Variants in ACIN1 observed in about 807,000 individuals in gnomAD.
The protein encoded by ACIN1 is apoptotic chromatin condensation inducer in the nucleus.
ACIN1 carries 16 observed loss-of-function variants against 146.6 expected under a neutral mutation model. The observed-to-expected ratio is 0.11, with a 90% confidence interval of 0.07 to 0.17. The LOEUF (loss-of-function observed/expected upper bound fraction) is 0.17, where lower values mean the gene tolerates loss of function less well. ACIN1 is among the 10% of genes least tolerant of loss of function. The pLI, the probability that ACIN1 is intolerant of heterozygous loss-of-function variation, is 1.00. For missense variants in ACIN1, 1,357 were observed against 1,609.3 expected (o/e 0.84, Z 2.68); for synonymous variants, 569 against 582.7 (o/e 0.98, Z 0.34).
chr14:23,058,816 A>G lies in ACIN1; in HGVS notation c.*332T>C, dbSNP rs1054177522. ...TCCCAAGAGAAGGCTGTAAGTACCC[A>G]GGGAGGTGGTAAGCAGGATGGAGGA... On this transcript the variant is annotated 3_prime_UTR_variant, in exon 19 of 19. Transcript: ENST00000605057. 1.1e-5 allele frequency: 4 copies of G among 354,608 alleles called. No individual in the cohort carries two copies. In the South Asian group the frequency reaches 1.3e-4, roughly 12 times the overall value. The allele number at this position is 354,608 out of a possible 1,614,324, so 22.0% of individuals were successfully genotyped here.
chr14:23,083,196 T>C (rs1407792956), intron 4 of ACIN1, among the ~76,000 whole-genome samples: 2 of 151,884 alleles, frequency 1.3e-5, no homozygotes, highest in Non-Finnish European at 2.9e-5. Flanking sequence ...ATCACTTAAG[T>C]AATTTGGGTC....
At chr14:23,086,397 T>C (rs2048091855) in intron 4 of ACIN1, among the ~76,000 whole-genome samples, 1 of 152,214 alleles carries the variant, frequency 6.6e-6, no homozygotes, top group Non-Finnish European at 1.5e-5. Context: ...GTACACACAG[T>C]CATGATATAG....
intron 14 of ACIN1, 179 bp from the exon 15 acceptor site, chr14:23,062,702 AC>A: frequency 2.7e-6 from 2 of 744,806 alleles, no homozygotes; most frequent in Non-Finnish European, 4.3e-6. Flanking sequence ...ACTAATTGAG[AC>A]GTTGTATGTG....
At chr14:23,088,965 C>T (rs1021424516) in intron 4 of ACIN1, among the ~76,000 whole-genome samples, 1 of 152,088 alleles carries the variant, frequency 6.6e-6, no homozygotes. Context: ...CTGACTTAGA[C>T]AGGTAGTTCC....
intron 7 of ACIN1, 27 bp from the exon 8 acceptor site, chr14:23,078,293 G>C: frequency 6.2e-7 from 1 of 1,601,956 alleles, no homozygotes; most frequent in East Asian, 2.2e-5. Context: ...AAAACGAACA[G>C]AGCAAAACAT....
At position 23,067,134 on chromosome 14, in the gene ACIN1, CAAAACAAAAA is replaced by C. The variant is rs2047484357; in HGVS notation, c.2266-1136_2266-1127del. ...TCGATGGGTAAGTTAGTGAGAAAAA[CAAAACAAAAA>C]AAAAGGTCTTAATTAAAACAGGAAA... On this transcript the variant is annotated intron_variant, in intron 9 of 18. Coordinates refer to ENST00000605057, the MANE Select transcript of ACIN1 (RefSeq NM_001386863.1). The surrounding 1 kb of genome is among the most constrained non-coding windows in gnomAD (Gnocchi z 4.6). Among the ~76,000 whole-genome samples, 1 of 131,584 alleles carries C rather than the reference CAAAACAAAAA, an allele frequency of 7.6e-6. No homozygotes were observed. Among genetic ancestry groups the C allele is most frequent in the African/African-American group, 2.9e-5 (1 of 34,836 alleles). The allele number at this position is 131,584 out of a possible 152,430, so 86.3% of individuals were successfully genotyped here.
chr14:23,061,068 G>C lies in ACIN1; in HGVS notation c.3525+16C>G. ...TCAGTGCCACTAGGGAGCAGGGCAC[G>C]AAGAAGAGCACTCACCTGGCTGTCA... On this transcript the variant is annotated intron_variant, in intron 18 of 18. Coordinates refer to ENST00000605057, the MANE Select transcript of ACIN1 (RefSeq NM_001386863.1). The C allele has an allele frequency of 6.2e-7, 1 of 1,612,416 alleles. No individual in the cohort carries two copies.
chr14:23,073,838 CCTTT>C (rs1465814516), intron 8 of ACIN1, among the ~76,000 whole-genome samples: 1 of 148,588 alleles, frequency 6.7e-6, no homozygotes, highest in Non-Finnish European at 1.5e-5. Flanking sequence ...ATTGAAAATT[CCTTT>C]TTTTTTTTTT....
At position 23,061,004 on chromosome 14, in the gene ACIN1, C is replaced by T. The variant is rs112612285; in HGVS notation, c.3525+80G>A. On this transcript the variant is annotated intron_variant, in intron 18 of 18. Coordinates refer to ENST00000605057, the MANE Select transcript of ACIN1 (RefSeq NM_001386863.1). The stretch of plus-strand genomic sequence containing the variant: ...GGAAGTACTTGGGCCGACTCACTCT[C>T]GCAGTCACATGAATCTCCCCTCACC... 884 of 1,351,638 alleles carry T rather than the reference C, an allele frequency of 6.5e-4. 9 individuals carry two copies. In the African/African-American group the frequency reaches 0.011, roughly 17 times the overall value. The allele number at this position is 1,351,638 out of a possible 1,614,324, so 83.7% of individuals were successfully genotyped here.
chr14:23,062,297 T>C (rs760481574), intron 15 of ACIN1, 22 bp from the exon 16 acceptor site: 5 of 1,608,922 alleles, frequency 3.1e-6, no homozygotes, highest in Non-Finnish European at 4.3e-6. Context: ...AGGGAGAAGA[T>C]GGAGGGTCAC....
intron 3 of ACIN1, among the ~76,000 whole-genome samples, chr14:23,090,317 T>C (rs554706918): frequency 1.3e-5 from 2 of 152,362 alleles, no homozygotes; most frequent in South Asian, 4.1e-4. Context: ...GCAGGAATCC[T>C]CTTCTAACAA....
intron 9 of ACIN1, among the ~76,000 whole-genome samples, chr14:23,066,737 C>T (rs764544687): frequency 6.6e-6 from 1 of 152,180 alleles, no homozygotes. Flanking sequence ...ACTTTCCAGC[C>T]ACCGCAGGGA....
chr14:23,062,710 T>G (rs567758558), intron 14 of ACIN1, 187 bp from the exon 15 acceptor site: 4 of 737,842 alleles, frequency 5.4e-6, no homozygotes, highest in East Asian at 2.7e-5. Flanking sequence ...AGACGTTGTA[T>G]GTGAGGCCTT....
chr14:23,090,492 T>C, intron 3 of ACIN1, 30 bp downstream of exon 3: 1 of 1,592,994 alleles, frequency 6.3e-7, no homozygotes, highest in Non-Finnish European at 8.6e-7. Flanking sequence ...AATGACGAAC[T>C]CCTTGTTAAA....
rs745432247 is a variant in ACIN1 at position 23,093,572 on chromosome 14, A to G, written c.139-28T>C. The G allele has an allele frequency of 5.1e-5, 82 of 1,598,342 alleles. No individual in the cohort carries two copies. In the Admixed American group the frequency reaches 1.4e-3, roughly 27 times the overall value. ...GGTATAGAGAAGGGTAAAAGTCAGA[A>G]ATGATGAGGAAAAAAAAGAAAAACA... On this transcript the variant is annotated intron_variant, in intron 1 of 18. Transcript: ENST00000605057.
rs766109960 is a variant in ACIN1, at chr14:23,059,764, C to T, written c.3526-290G>A. 5.9e-5 allele frequency among the ~76,000 whole-genome samples: 9 copies of T among 151,610 alleles called. No individual in the cohort carries two copies. The South Asian group carries it at 1.0e-3, about 18-fold the overall frequency. On this transcript the variant is annotated intron_variant, in intron 18 of 18. Coordinates refer to ENST00000605057, the MANE Select transcript of ACIN1 (RefSeq NM_001386863.1). ...CACCTCCCGGGTTCACACCATTCTCCTGCCTCAGCCTGCTGAGCAGCTGGG... is the reference window on the plus strand; with the variant it reads ...CACCTCCCGGGTTCACACCATTCTCTTGCCTCAGCCTGCTGAGCAGCTGGG...
At chr14:23,077,407 T>C (rs185016646) in intron 8 of ACIN1, among the ~76,000 whole-genome samples, 2 of 152,352 alleles carry the variant, frequency 1.3e-5, no homozygotes, top group Admixed American at 6.5e-5. Flanking sequence ...CTTCATTTTT[T>C]CATTTCCCAG....
intron 4 of ACIN1, among the ~76,000 whole-genome samples, chr14:23,084,388 C>T (rs370517814): frequency 6.6e-5 from 10 of 152,200 alleles, no homozygotes; most frequent in Admixed American, 3.9e-4. Context: ...GGGCAGATCA[C>T]GAGGTCGGGA....
At chr14:23,070,842 G>C (rs1361988134) in intron 8 of ACIN1, among the ~76,000 whole-genome samples, 1 of 152,106 alleles carries the variant, frequency 6.6e-6, no homozygotes, top group Non-Finnish European at 1.5e-5. Context: ...AGGGGGAGGG[G>C]AAAATCGGAA....
Sources: gnomAD v4.1 joint callset for allele counts (sites outside exome capture counted in the v4.1 genomes callset) on GRCh38, gnomAD v4.1.1 for gene constraint, Gnocchi (gnomAD v3.1) non-coding constraint, MANE v1.5 for transcripts, NCBI Gene and HGNC (gene_info 2026-07-23, HGNC 2026-07-21) for gene names.